Variants in ASB15 observed in about 807,000 individuals in gnomAD.
ASB15 encodes the protein ankyrin repeat and SOCS box protein 15.
ASB15 carries 54 observed loss-of-function variants against 58.0 expected under a neutral mutation model. The ratio of observed to expected loss-of-function variants is 0.93; its 90% confidence interval spans 0.75 to 1.17. ASB15 has a LOEUF of 1.17. Ranked by LOEUF, ASB15 falls within the 50% of genes most tolerant of loss-of-function variation. ASB15 has a pLI of 0.00. For missense variants in ASB15, 680 were observed against 707.4 expected (o/e 0.96, Z 0.44); for synonymous variants, 249 against 262.4 (o/e 0.95, Z 0.50).
Position 123,638,455 on chromosome 7 carries a change from C to G in ASB15, c.*1474C>G, listed in dbSNP as rs1029617225. 6.6e-6 allele frequency: 1 copy of G among 152,084 alleles called. No individual in the cohort carries two copies. The highest frequency in any genetic ancestry group is 1.5e-5 in the Non-Finnish European group (1 of 68,026). 9.4% of individuals were successfully genotyped at this position (152,084 alleles called of 1,614,324 possible). On this transcript the variant is annotated 3_prime_UTR_variant, in exon 12 of 12. Transcript: ENST00000451215. ...TTTCAAAAAGAGTCATTAAAAAATA[C>G]CATCTACTATCACCATCATTTCATA...
chr7:123,588,643 G>T (rs1799443398), intron 1 of ASB15, among the ~76,000 whole-genome samples: 1 of 137,528 alleles, frequency 7.3e-6, no homozygotes, highest in Admixed American at 7.4e-5. Context: ...TCTTTTTCTA[G>T]TTGTTTGAGG....
chr7:123,575,101 C>G (rs1439253508), intron 1 of ASB15, among the ~76,000 whole-genome samples: 1 of 147,528 alleles, frequency 6.8e-6, no homozygotes, highest in East Asian at 2.0e-4. Context: ...ATATCTTTGC[C>G]TAGGCAGGCT....
chr7:123,582,025 G>C (rs932937168), intron 1 of ASB15, among the ~76,000 whole-genome samples: 2 of 152,000 alleles, frequency 1.3e-5, no homozygotes, highest in African/African-American at 4.8e-5. Context: ...TTTGTGAATA[G>C]AGAACATCTT....
chr7:123,612,612 A>C (rs901140456), intron 3 of ASB15, among the ~76,000 whole-genome samples: 13 of 152,142 alleles, frequency 8.5e-5, no homozygotes, highest in Admixed American at 3.3e-4. Flanking sequence ...CTCGTGAATA[A>C]AGAGAAATAT....
At chr7:123,580,764 C>G (rs1333925448) in intron 1 of ASB15, among the ~76,000 whole-genome samples, 4 of 151,914 alleles carry the variant, frequency 2.6e-5, no homozygotes, top group African/African-American at 9.7e-5. Flanking sequence ...ACAACCGTAC[C>G]TGGAAGCCCT....
At chr7:123,598,086 A>G (rs933234329), upstream of ASB15, among the ~76,000 whole-genome samples, 1 of 152,072 alleles carries the variant, frequency 6.6e-6, no homozygotes, top group African/African-American at 2.4e-5. Flanking sequence ...CACTCCCAGA[A>G]GTGCCTAGCC....
At chr7:123,617,155 A>G (rs968453010) in intron 6 of ASB15, among the ~76,000 whole-genome samples, 4 of 152,192 alleles carry the variant, frequency 2.6e-5, no homozygotes, top group Non-Finnish European at 5.9e-5. Context: ...AGACAGCCAG[A>G]CAGACAGATA....
upstream of ASB15, among the ~76,000 whole-genome samples, chr7:123,600,432 T>A (rs1256365625): frequency 2.0e-5 from 3 of 152,178 alleles, no homozygotes; most frequent in African/African-American, 7.2e-5. Context: ...CACTTTAAAG[T>A]GTTAGGTGCA....
At position 123,624,775 on chromosome 7, in the gene ASB15, T is replaced by G. The variant is rs1250381709; in HGVS notation, c.658T>G (p.Tyr220Asp). 6.2e-7 allele frequency: 1 copy of G among 1,613,904 alleles called. No homozygotes were observed. Among genetic ancestry groups the G allele is most frequent in the Non-Finnish European group, 8.5e-7 (1 of 1,179,936 alleles). Residue 220 changes from tyrosine to aspartate, a missense_variant, in exon 8 of 12, where the codon TAT (tyrosine) becomes GAT (aspartate). Physicochemically the swap from Tyr to Asp is radical, Grantham distance 160. Transcript: ENST00000451215. ...CACACCACTAGGCGTCGCTGCCGAG[T>G]ATGGTCACTGTGACGTGTTAGAACA... ...GVTPLGVAAE[Y>D]GHCDVLEHLI...
chr7:123,567,113 A>G (rs1798784307), intron 1 of ASB15: 1 of 152,226 alleles, frequency 6.6e-6, no homozygotes, highest in South Asian at 2.1e-4. Context: ...AGTTTCATGT[A>G]GTGAGAAAAT....
intron 1 of ASB15, 96 bp from the exon 2 acceptor site, chr7:123,603,936 A>T (rs1327455263): frequency 2.0e-5 from 3 of 152,142 alleles, no homozygotes; most frequent in Admixed American, 1.3e-4. Context: ...GAACACTTAA[A>T]CTTGTGTTGG....
intron 1 of ASB15, among the ~76,000 whole-genome samples, chr7:123,570,076 C>T (rs1798866948): frequency 6.8e-6 from 1 of 145,992 alleles, no homozygotes; most frequent in Non-Finnish European, 1.5e-5. Flanking sequence ...GCTCTGTTGC[C>T]CAGGCTGGCT....
At chr7:123,623,981 AAGAAAGAAAGAAAG>A (rs1245099986) in intron 7 of ASB15, among the ~76,000 whole-genome samples, 5 of 140,460 alleles carry the variant, frequency 3.6e-5, no homozygotes, top group Non-Finnish European at 7.9e-5. Context: ...GAAAGAAAGA[AAGAAAGAAAGAAAG>A]AGAAAGGAAA....
In ASB15 at chr7:123,602,303, C is replaced by A. The variant is rs909249311; in HGVS notation, c.-245+389C>A. ...AATAAATAAAATAAATCTTTTAAGG[C>A]TTTTTCATCACTTGTTGAAAAAGAT... On this transcript the variant is annotated intron_variant, in intron 1 of 11. Transcript: ENST00000451215. 2.6e-5 allele frequency among the ~76,000 whole-genome samples: 4 copies of A among 152,104 alleles called. No homozygotes were observed. The East Asian group carries it at 7.7e-4, about 29-fold the overall frequency.
chr7:123,624,418 CAG>C, intron 7 of ASB15, 149 bp from the exon 8 acceptor site: 3 of 706,316 alleles, frequency 4.2e-6, no homozygotes, highest in Non-Finnish European at 6.9e-6. Flanking sequence ...GTATGAGAAA[CAG>C]AAGGGATATG....
At chr7:123,569,187 T>C (rs565469176) in intron 1 of ASB15, among the ~76,000 whole-genome samples, 2 of 152,310 alleles carry the variant, frequency 1.3e-5, no homozygotes, top group South Asian at 2.1e-4. Flanking sequence ...AGTCATTTTG[T>C]CCGGTGGTCA....
intron 11 of ASB15, among the ~76,000 whole-genome samples, chr7:123,631,569 G>C (rs767478317): frequency 6.6e-6 from 1 of 151,972 alleles, no homozygotes; most frequent in Non-Finnish European, 1.5e-5. Flanking sequence ...ACTTAAGCCC[G>C]CATTGAGAGT....
intron 11 of ASB15, among the ~76,000 whole-genome samples, chr7:123,635,698 A>G (rs2116693592): frequency 7.1e-6 from 1 of 140,278 alleles, no homozygotes; most frequent in East Asian, 2.1e-4. Context: ...ATCATACTTT[A>G]CTGCAACTAG....
At chr7:123,590,178 T>A (rs1022820232) in intron 1 of ASB15, among the ~76,000 whole-genome samples, 1 of 152,190 alleles carries the variant, frequency 6.6e-6, no homozygotes, top group Non-Finnish European at 1.5e-5. Flanking sequence ...TTTGTTTTTT[T>A]TCCTGTAAAT....
Sources: gnomAD v4.1 joint callset for allele counts (sites outside exome capture counted in the v4.1 genomes callset) on GRCh38, gnomAD v4.1.1 for gene constraint, MANE v1.5 for transcripts, NCBI Gene and HGNC (gene_info 2026-07-23, HGNC 2026-07-21) for gene names.